The following DMD variants were observed in gnomAD, a reference collection of about 807,000 sequenced individuals.
DMD encodes dystrophin.
Under a neutral mutation model 330.1 loss-of-function variants are expected in DMD, and 63 were observed. The observed-to-expected ratio is 0.19, with a 90% confidence interval of 0.16 to 0.24. The LOEUF is 0.24. DMD is among the 10% of genes least tolerant of loss of function. The pLI is 1.00. For synonymous variants in DMD, 1,223 were observed against 959.8 expected (o/e 1.27, Z -5.07); for missense variants, 3,344 against 2,684.1 (o/e 1.25, Z -5.43).
At chrX:31,822,653 G>GGGGTGTGTGTGTGT (rs58903799) in intron 49 of DMD, among the ~76,000 whole-genome samples, 78 of 65,805 alleles carry the variant, frequency 1.2e-3, no homozygotes, top group Non-Finnish European at 1.9e-3. Flanking sequence ...AAGGCAGAGG[G>GGGGTGTGTGTGTGT]GTGTGTGTGT....
chrX:32,782,892 TATAC>T (rs1248358472), intron 7 of DMD, among the ~76,000 whole-genome samples: 21 of 106,070 alleles, frequency 2.0e-4, no homozygotes, highest in African/African-American at 6.5e-4. Flanking sequence ...TATATATACA[TATAC>T]ACATATATAT....
chrX:31,794,891 A>G (rs774159931), intron 50 of DMD, among the ~76,000 whole-genome samples: 7 of 111,897 alleles, frequency 6.3e-5, no homozygotes, highest in Non-Finnish European at 1.3e-4. Context: ...CCCAATGTGA[A>G]TGACTAAATT....
intron 52 of DMD, among the ~76,000 whole-genome samples, chrX:31,723,384 G>C (rs1283767862): frequency 6.3e-5 from 7 of 110,946 alleles, no homozygotes; most frequent in African/African-American, 2.3e-4. Flanking sequence ...CTTATCCTGA[G>C]TTTGTCTCTG....
intron 49 of DMD, among the ~76,000 whole-genome samples, chrX:31,836,316 T>C (rs1402259016): frequency 2.7e-5 from 3 of 112,424 alleles, no homozygotes; most frequent in Non-Finnish European, 3.8e-5. Flanking sequence ...ACGGACCATA[T>C]TGTGATTCTT....
At chrX:32,589,399 T>A (rs2054636599) in intron 13 of DMD, among the ~76,000 whole-genome samples, 1 of 110,915 alleles carries the variant, frequency 9.0e-6, no homozygotes, top group Admixed American at 9.7e-5. Flanking sequence ...AAAGTAAGCA[T>A]GTGCACTCTA....
chrX:31,189,068 C>T (rs2042072430), intron 67 of DMD, among the ~76,000 whole-genome samples: 1 of 111,608 alleles, frequency 9.0e-6, no homozygotes, highest in African/African-American at 3.3e-5. Context: ...AAGGGCCAAC[C>T]GCCTGCCAGG....
intron 45 of DMD, 59 bp from the exon 46 acceptor site, chrX:31,932,286 G>A (rs1051756560): frequency 3.3e-6 from 3 of 919,620 alleles, no homozygotes; most frequent in African/African-American, 3.9e-5. Flanking sequence ...CAAACTATTT[G>A]TTAATGCAAA....
At chrX:33,259,310 C>A (rs1423676198) in intron 1 of DMD, among the ~76,000 whole-genome samples, 1 of 109,887 alleles carries the variant, frequency 9.1e-6, no homozygotes, top group African/African-American at 3.3e-5. Flanking sequence ...AATTGATGAG[C>A]CTACATTGAT....
At chrX:31,399,992 A>G (rs2061117343) in intron 60 of DMD, among the ~76,000 whole-genome samples, 1 of 112,332 alleles carries the variant, frequency 8.9e-6, no homozygotes, top group South Asian at 3.8e-4. Flanking sequence ...TAATAAAGAA[A>G]GTAAATGCAA....
At chrX:31,565,924 T>C (rs1167655265) in intron 55 of DMD, among the ~76,000 whole-genome samples, 1 of 112,361 alleles carries the variant, frequency 8.9e-6, no homozygotes, top group African/African-American at 3.2e-5. Context: ...TGGTGAAACG[T>C]TTCTTGATGT....
intron 7 of DMD, among the ~76,000 whole-genome samples, chrX:32,764,106 T>TC (rs912117004): frequency 1.1e-4 from 12 of 110,371 alleles, no homozygotes; most frequent in African/African-American, 3.9e-4. Context: ...GGTTTTTTTT[T>TC]TTTCCAACTA....
chrX:32,273,511 TTC>T lies in DMD; in HGVS notation c.6290+14016_6290+14017del, dbSNP rs1278856066. ...CTCTTCCAATATTCTTTTTTTTTTT[TTC>T]ATGACTGAACAGTTTTTAGCAGAGC... On this transcript the variant is annotated intron_variant, in intron 43 of 78. Coordinates refer to ENST00000357033, the MANE Select transcript of DMD (RefSeq NM_004006.3). 1.0e-3 allele frequency among the ~76,000 whole-genome samples: 110 copies of T among 107,713 alleles called. 1 individual carries two copies. Among genetic ancestry groups the T allele is most frequent in the Middle Eastern group, 4.7e-3 (1 of 211 alleles). 93.5% of individuals were successfully genotyped at this position (107,713 alleles called of 115,157 possible).
intron 30 of DMD, among the ~76,000 whole-genome samples, chrX:32,411,549 C>T (rs1290406101): frequency 4.5e-5 from 5 of 111,526 alleles, no homozygotes; most frequent in Non-Finnish European, 7.5e-5. Flanking sequence ...TTTCAAATTC[C>T]TCCATTACAT....
chrX:31,662,099 G>C (rs1421427555), intron 53 of DMD, among the ~76,000 whole-genome samples: 1 of 111,745 alleles, frequency 8.9e-6, no homozygotes, highest in Non-Finnish European at 1.9e-5. Context: ...TTTGAATCCT[G>C]GCGTGATCGC....
chrX:31,329,633 T>C (rs2056983870), intron 61 of DMD, among the ~76,000 whole-genome samples: 1 of 111,091 alleles, frequency 9.0e-6, no homozygotes, highest in Non-Finnish European at 1.9e-5. Flanking sequence ...ATAGTGCCTA[T>C]AGTTAACAAT....
intron 44 of DMD, among the ~76,000 whole-genome samples, chrX:32,133,282 A>C (rs1274826600): frequency 9.1e-6 from 1 of 110,482 alleles, no homozygotes; most frequent in Non-Finnish European, 1.9e-5. Flanking sequence ...CTAGGATTAC[A>C]GGTGTGAGCC....
chrX:31,957,255 C>T (rs141651445), intron 45 of DMD, among the ~76,000 whole-genome samples: 1,431 of 111,784 alleles, frequency 0.013, 13 homozygotes, highest in Non-Finnish European at 0.019. Flanking sequence ...GTATCTTTCT[C>T]CTAAAGTCCG....
intron 3 of DMD, among the ~76,000 whole-genome samples, chrX:32,846,419 C>T (rs2080673226): frequency 9.0e-6 from 1 of 111,119 alleles, no homozygotes; most frequent in East Asian, 2.8e-4. Flanking sequence ...TCCAGCAAAG[C>T]TCCTGGTCTT....
chrX:32,627,856 G>A (rs936264605), intron 11 of DMD, among the ~76,000 whole-genome samples: 1 of 110,794 alleles, frequency 9.0e-6, no homozygotes, highest in African/African-American at 3.3e-5. Flanking sequence ...TTCTTAGCAT[G>A]ATGTTTACTT....
Sources: gnomAD v4.1 joint callset for allele counts (sites outside exome capture counted in the v4.1 genomes callset) on GRCh38, gnomAD v4.1.1 for gene constraint, MANE v1.5 for transcripts, NCBI Gene and HGNC (gene_info 2026-07-23, HGNC 2026-07-21) for gene names.